CNRIP1: variants seen among roughly 807,000 people sequenced by gnomAD.
CNRIP1 encodes the protein cannabinoid receptor interacting protein 1, also known as CB1 cannabinoid receptor-interacting protein 1.
Under a neutral mutation model 15.2 loss-of-function variants are expected in CNRIP1, and 10 were observed. The ratio of observed to expected loss-of-function variants is 0.66; its 90% CI spans 0.41 to 1.12. The LOEUF (loss-of-function observed/expected upper bound fraction) is 1.12. Among genes scored for constraint, CNRIP1 ranks in the 50% most tolerant of loss-of-function variants. The probability of loss-of-function intolerance (pLI) is 0.00; values close to 1 mark genes in which losing one functional copy is unlikely to be tolerated. For missense variants in CNRIP1, 211 were observed against 214.7 expected, an observed-to-expected ratio of 0.98 and a Z score of 0.11; for synonymous variants, 91 against 83.2, an observed-to-expected ratio of 1.09 and a Z score of -0.51.
At position 68,293,954 on chromosome 2, in the gene CNRIP1, G is replaced by T. The variant is rs777438241; in HGVS notation, c.403C>A (p.Gln135Lys). ...FYNYHKRDHC[Q>K]WGSPFSVIEY... is the part of the protein sequence containing the mutation. ...ATGACAGAGAAGGGGCTTCCCCACT[G>T]GCAGTGATCCCGCTTGTGGTAATTG... The change falls in exon 3 of 3, where the codon CAG (glutamine) becomes AAG (lysine). Residue 135 changes from glutamine (Q) to lysine (K), a missense_variant. By Grantham distance (53) the Gln-to-Lys change is moderately conservative. Transcript: ENST00000263655. 6.2e-6 allele frequency: 10 copies of T among 1,614,110 alleles called. No homozygotes were observed. Among genetic ancestry groups the T allele is most frequent in the Non-Finnish European group, 8.5e-6 (10 of 1,179,992 alleles).
At chr2:68,303,747 A>G (rs928409122) in intron 2 of CNRIP1, among the ~76,000 whole-genome samples, 46 of 152,210 alleles carry the variant, frequency 3.0e-4, no homozygotes, top group African/African-American at 9.7e-4. Flanking sequence ...GTTATTACCT[A>G]CCATAAGTCT....
chr2:68,287,644 G>C (rs1293371872), intron 2 of CNRIP1, among the ~76,000 whole-genome samples: 1 of 152,244 alleles, frequency 6.6e-6, no homozygotes, highest in Non-Finnish European at 1.5e-5. Context: ...GGGAAAGAGA[G>C]TTCTGTTGGC....
intron 2 of CNRIP1, among the ~76,000 whole-genome samples, chr2:68,286,619 A>C (rs754368904): frequency 2.6e-5 from 4 of 152,182 alleles, no homozygotes; most frequent in African/African-American, 4.8e-5. Flanking sequence ...GGACATTTCA[A>C]ATTCTGCTTC....
intron 2 of CNRIP1, among the ~76,000 whole-genome samples, chr2:68,285,033 C>T (rs1670994485): frequency 6.6e-6 from 1 of 152,154 alleles, no homozygotes; most frequent in Non-Finnish European, 1.5e-5. Context: ...TGGATGTTCT[C>T]CAAGCATTTT....
rs1410565444 is a variant in CNRIP1, at chr2:68,317,300, A to C, written c.187T>G (p.Ser63Ala). ...KPSTLQVENI[S>A]IGGVLVPLEL... ...AGTGGGACAAGCACACCACCAATGGAAATATTCCTGCAATAGACTTGAGTT... is the reference window on the plus strand; with the variant it reads ...AGTGGGACAAGCACACCACCAATGGCAATATTCCTGCAATAGACTTGAGTT... Residue 63 changes from serine to alanine, a missense_variant, in exon 2 of 3, where the codon TCC (serine) becomes GCC (alanine). Ser to Ala is a moderately conservative substitution (Grantham distance 99). Transcript: ENST00000263655. 6.2e-7 allele frequency: 1 copy of C among 1,613,956 alleles called. No homozygotes were observed. The highest frequency in any genetic ancestry group is 8.5e-7 in the Non-Finnish European group (1 of 1,180,034).
intron 2 of CNRIP1, among the ~76,000 whole-genome samples, chr2:68,312,262 C>T (rs979096526): frequency 5.9e-5 from 9 of 151,618 alleles, no homozygotes; most frequent in Admixed American, 1.3e-4. Context: ...TTTTACATAC[C>T]GAGAATAAAC....
rs10601379 is a variant in CNRIP1, at chr2:68,305,274, ATGTGTGTGTGTGTG to A, written c.331-11262_331-11249del. 9.0e-3 allele frequency among the ~76,000 whole-genome samples: 1,086 copies of A among 120,640 alleles called. 22 individuals carry two copies. The highest frequency in any genetic ancestry group is 0.012 in the Non-Finnish European group (750 of 60,566). The allele number at this position is 120,640 out of a possible 152,430, so 79.1% of individuals were successfully genotyped here. A position where few individuals can be genotyped will look rare whatever the true frequency, so the allele number is the denominator to read the frequency against. On this transcript the variant is annotated intron_variant, in intron 2 of 2. Coordinates refer to ENST00000263655, the MANE Select transcript of CNRIP1 (RefSeq NM_015463.3). ...AAAAAAAAAAAATATATATATATAT[ATGTGTGTGTGTGTG>A]TGTGTGTGTGTGTGTGTGTGTGTGT...
At chr2:68,299,801 G>A (rs1671538446) in intron 2 of CNRIP1, among the ~76,000 whole-genome samples, 1 of 152,200 alleles carries the variant, frequency 6.6e-6, no homozygotes, top group Admixed American at 6.5e-5. Context: ...GGAATCTGAA[G>A]AGCTTGTTTT....
chr2:68,290,216 C>T (rs555910314), downstream of CNRIP1, among the ~76,000 whole-genome samples: 8 of 151,592 alleles, frequency 5.3e-5, no homozygotes, highest in South Asian at 2.1e-4. Context: ...TTAGTAGAGA[C>T]GGGGTTTTGC....
Position 68,319,254 on chromosome 2 carries a change from C to T in CNRIP1, c.147G>A (p.Glu49=). Residue 49 remains glutamate, a synonymous_variant, in exon 1 of 3, where the codon GAG becomes GAA. Transcript: ENST00000263655. ...KLLTGSSYKV[E]VKIKPSTLQV... ...GCAGCGTGCTGGGTTTAATCTTCAC[C>T]TCAACCTTGTAGGAGGAGCCGGTGA... The T allele has an allele frequency of 6.5e-7, 1 of 1,549,828 alleles. No homozygotes were observed. Among genetic ancestry groups the T allele is most frequent in the Non-Finnish European group, 8.7e-7 (1 of 1,146,780 alleles).
In CNRIP1 at chr2:68,319,286, T is replaced by C. The variant is rs1375760511; in HGVS notation, c.115A>G (p.Lys39Glu). ...GQRFGQNRTI[K>E]LLTGSSYKVE... ...TTGTAGGAGGAGCCGGTGAGCAGCT[T>C]GATGGTGCGGTTCTGGCCGAAGCGC... Residue 39 changes from lysine (K) to glutamate (E), a missense_variant, in exon 1 of 3, where the codon AAG (lysine) becomes GAG (glutamate). Physicochemically the swap from Lys to Glu is moderately conservative, Grantham distance 56 (BLOSUM62 1). Coordinates refer to ENST00000263655, the MANE Select transcript of CNRIP1 (RefSeq NM_015463.3). 6.4e-7 allele frequency: 1 copy of C among 1,552,108 alleles called. No homozygotes were observed. Among genetic ancestry groups the C allele is most frequent in the South Asian group, 1.2e-5 (1 of 84,176 alleles).
chr2:68,307,587 A>C (rs1007999168), intron 2 of CNRIP1, among the ~76,000 whole-genome samples: 1 of 152,066 alleles, frequency 6.6e-6, no homozygotes, highest in African/African-American at 2.4e-5. Flanking sequence ...TGTCCTCCCA[A>C]AGTGGTGGAT....
chr2:68,297,567 CAAAAAAAAAAAA>C lies in CNRIP1; in HGVS notation c.331-3553_331-3542del, dbSNP rs112601365. On this transcript the variant is annotated intron_variant, in intron 2 of 2. Coordinates refer to ENST00000263655, the MANE Select transcript of CNRIP1 (RefSeq NM_015463.3). ...TGGGCAACAGGGCAAGACACTGTCTCAAAAAAAAAAAAAAAAAAAAAAAAAAAAAAAAGGAAA... is the reference window on the plus strand; with the variant it reads ...TGGGCAACAGGGCAAGACACTGTCTCAAAAAAAAAAAAAAAAAAAAGGAAA... 1.4e-4 allele frequency among the ~76,000 whole-genome samples: 14 copies of C among 98,912 alleles called. No homozygotes were observed. In the South Asian group the frequency reaches 1.5e-3, roughly 11 times the overall value. 64.9% of individuals were successfully genotyped at this position (98,912 alleles called of 152,430 possible). A position where few individuals can be genotyped will look rare whatever the true frequency, so the allele number is the denominator to read the frequency against.
chr2:68,317,257 T>G lies in CNRIP1; in HGVS notation c.230A>C (p.Glu77Ala). ...ATAAACAACTCTGTCCCCATCAGGC[T>G]CTTTAGACTTCAGTTCCAGTGGGAC... ...VLVPLELKSKEPDGDRVVYTG... is the reference protein window; with the variant it reads ...VLVPLELKSKAPDGDRVVYTG... The change falls in exon 2 of 3, where the codon GAG becomes GCG. Residue 77 changes from glutamate to alanine, a missense_variant. Glu to Ala is a moderately radical substitution (Grantham distance 107). Coordinates refer to ENST00000263655, the MANE Select transcript of CNRIP1 (RefSeq NM_015463.3). The G allele has an allele frequency of 6.2e-7, 1 of 1,614,186 alleles. No individual in the cohort carries two copies. The highest frequency in any genetic ancestry group is 8.5e-7 in the Non-Finnish European group (1 of 1,180,014).
intron 2 of CNRIP1, among the ~76,000 whole-genome samples, chr2:68,306,649 C>T (rs532149026): frequency 3.9e-5 from 6 of 151,930 alleles, no homozygotes; most frequent in African/African-American, 1.2e-4. Context: ...GGCGTGGTGG[C>T]GGGTGCCTGT....
intron 2 of CNRIP1, among the ~76,000 whole-genome samples, chr2:68,313,294 ATACT>A (rs1224320521): frequency 1.3e-5 from 2 of 152,104 alleles, no homozygotes; most frequent in South Asian, 2.1e-4. Flanking sequence ...AGATAAACAC[ATACT>A]TACCATGTGA....
At position 68,293,467 on chromosome 2, in the gene CNRIP1, T is replaced by A. The variant is rs974878215; in HGVS notation, c.*395A>T. On this transcript the variant is annotated 3_prime_UTR_variant, in exon 3 of 3. Coordinates refer to ENST00000263655, the MANE Select transcript of CNRIP1 (RefSeq NM_015463.3). ...GAGGACCCATACACATTGTTATTTTTAAATTTAACATTGAACAAAAAAAAG... is the reference window on the plus strand; with the variant it reads ...GAGGACCCATACACATTGTTATTTTAAAATTTAACATTGAACAAAAAAAAG... The A allele has an allele frequency of 5.0e-6, 5 of 999,968 alleles. No homozygotes were observed. Among genetic ancestry groups the A allele is most frequent in the Admixed American group, 5.4e-5 (1 of 18,360 alleles). 61.9% of individuals were successfully genotyped at this position (999,968 alleles called of 1,614,324 possible).
chr2:68,310,818 A>C (rs1672044788), intron 2 of CNRIP1, among the ~76,000 whole-genome samples: 1 of 152,194 alleles, frequency 6.6e-6, no homozygotes, highest in Admixed American at 6.5e-5. Context: ...AGATAAATTA[A>C]GGAAAACATG....
Position 68,319,317 on chromosome 2 carries a change from G to A in CNRIP1, c.84C>T (p.Asp28=), listed in dbSNP as rs13025842. Residue 28 remains aspartate (D), a synonymous_variant, in exon 1 of 3, where the codon GAC becomes GAT. Coordinates refer to ENST00000263655, the MANE Select transcript of CNRIP1 (RefSeq NM_015463.3). ...TGCGGTTCTGGCCGAAGCGCTGCCCGTCCACCTTGTAAAAGACCGGGCCGT... is the reference window on the plus strand; with the variant it reads ...TGCGGTTCTGGCCGAAGCGCTGCCCATCCACCTTGTAAAAGACCGGGCCGT... ...PNDGPVFYKV[D]GQRFGQNRTI... 0.3 allele frequency: 465,078 copies of A among 1,560,618 alleles called. 72,209 individuals are homozygous for A. The highest frequency in any genetic ancestry group is 0.33 in the Middle Eastern group (1,548 of 4,660).
Sources: gnomAD v4.1 joint callset for allele counts (sites outside exome capture counted in the v4.1 genomes callset) on GRCh38, gnomAD v4.1.1 for gene constraint, MANE v1.5 for transcripts, NCBI Gene and HGNC (gene_info 2026-07-23, HGNC 2026-07-21) for gene names.